Variants in ANKRD6 observed in about 807,000 individuals in gnomAD.
ANKRD6 encodes the protein ankyrin repeat domain 6, also known as ankyrin repeat domain-containing protein 6.
Under a neutral mutation model 82.3 loss-of-function variants are expected in ANKRD6, and 56 were observed. The observed-to-expected ratio is 0.68, with a 90% CI of 0.55 to 0.85. The LOEUF (loss-of-function observed/expected upper bound fraction) is 0.85. Among genes scored for constraint, ANKRD6 ranks in the 40% least tolerant of loss-of-function variants. The probability of loss-of-function intolerance (pLI) is 0.00; values close to 1 mark genes in which losing one functional copy is unlikely to be tolerated. For missense variants in ANKRD6, 852 were observed against 907.6 expected, an observed-to-expected ratio of 0.94 and a Z score of 0.79; for synonymous variants, 347 against 352.1, an observed-to-expected ratio of 0.99 and a Z score of 0.16.
At chr6:89,612,143 A>G (rs1015732920) in intron 5 of ANKRD6, 129 bp from the exon 6 acceptor site, 1 of 754,380 alleles carries the variant, frequency 1.3e-6, no homozygotes, top group Non-Finnish European at 2.1e-6. Context: ...CACTGAAACC[A>G]TCGGGCAAGA....
At chr6:89,582,176 G>A (rs1404270258) in intron 2 of ANKRD6, among the ~76,000 whole-genome samples, 1 of 152,174 alleles carries the variant, frequency 6.6e-6, no homozygotes. Context: ...CAACTGTTTT[G>A]AAGGAGAATT....
Position 89,613,821 on chromosome 6 carries a change from G to A in ANKRD6, c.546G>A (p.Ala182=), listed in dbSNP as rs375469086. The stretch of plus-strand genomic sequence containing the variant: ...GAGACACCTGTTTGCACGTTGCTGC[G>A]CGCTATAATCACTTGTCCATCATTA... The part of the protein sequence containing the change: ...NAGDTCLHVA[A]RYNHLSIIRL... The change falls in exon 7 of 16, where the codon GCG becomes GCA. Residue 182 remains alanine, a synonymous_variant. Coordinates refer to ENST00000339746, the MANE Select transcript of ANKRD6 (RefSeq NM_001242809.2). 2.7e-5 allele frequency: 43 copies of A among 1,614,004 alleles called. No homozygotes were observed. The highest frequency in any genetic ancestry group is 1.1e-4 in the African/African-American group (8 of 75,046).
At chr6:89,601,002 A>C (rs1401952930) in intron 3 of ANKRD6, among the ~76,000 whole-genome samples, 2 of 152,150 alleles carry the variant, frequency 1.3e-5, no homozygotes, top group Non-Finnish European at 1.5e-5. Context: ...GCACCACTGC[A>C]CTCCAGCCTG....
At chr6:89,509,398 T>G (rs950271271) in intron 1 of ANKRD6, 1 of 152,152 alleles carries the variant, frequency 6.6e-6, no homozygotes, top group Non-Finnish European at 1.5e-5. Flanking sequence ...GGGAGAGCCT[T>G]GGAAATCATC....
At chr6:89,590,964 G>A (rs745625798) in intron 2 of ANKRD6, among the ~76,000 whole-genome samples, 3 of 152,144 alleles carry the variant, frequency 2.0e-5, no homozygotes, top group Admixed American at 6.5e-5. Flanking sequence ...AATTCTGGCC[G>A]CTGCTGTCTC....
chr6:89,468,471 T>C (rs1445683250), intron 1 of ANKRD6, among the ~76,000 whole-genome samples: 1 of 152,130 alleles, frequency 6.6e-6, no homozygotes, highest in Non-Finnish European at 1.5e-5. Flanking sequence ...TTTTTTGTCT[T>C]AATTTTTCTA....
chr6:89,437,597 G>T (rs760790682), intron 1 of ANKRD6, among the ~76,000 whole-genome samples: 1 of 152,160 alleles, frequency 6.6e-6, no homozygotes, highest in African/African-American at 2.4e-5. Context: ...TTTGGGGGAG[G>T]CAAATTTAAT....
intron 1 of ANKRD6, among the ~76,000 whole-genome samples, chr6:89,552,626 T>C (rs927375261): frequency 4.5e-4 from 68 of 152,196 alleles, no homozygotes; most frequent in African/African-American, 1.6e-3. Context: ...TGACTTTACA[T>C]AGGCATACAT....
At chr6:89,516,662 A>C (rs1185179677) in intron 1 of ANKRD6, among the ~76,000 whole-genome samples, 1 of 152,150 alleles carries the variant, frequency 6.6e-6, no homozygotes, top group Non-Finnish European at 1.5e-5. Context: ...TTTTTAGTAG[A>C]GACGGGGTTT....
At chr6:89,459,182 G>T (rs1437411333) in intron 1 of ANKRD6, among the ~76,000 whole-genome samples, 1 of 152,078 alleles carries the variant, frequency 6.6e-6, no homozygotes. Context: ...GGGTTCAAAC[G>T]ATTCTCCTGC....
At chr6:89,465,220 A>T (rs947879663) in intron 1 of ANKRD6, among the ~76,000 whole-genome samples, 1 of 151,564 alleles carries the variant, frequency 6.6e-6, no homozygotes, top group Non-Finnish European at 1.5e-5. Flanking sequence ...CCTGGGTTCA[A>T]GTAATTCTCC....
In ANKRD6 at chr6:89,604,128, A is replaced by G. The variant is rs1163024103; in HGVS notation, c.318+1001A>G. 2.6e-5 allele frequency among the ~76,000 whole-genome samples: 4 copies of G among 152,238 alleles called. No individual in the cohort carries two copies. The East Asian group carries it at 5.8e-4, about 22-fold the overall frequency. On this transcript the variant is annotated intron_variant, in intron 4 of 15. Transcript: ENST00000339746. ...GATCACCTGAGGTCAGGAGTTCGAG[A>G]CCAGCCTGGCTAACATGGTGAAACC...
chr6:89,451,045 C>T (rs974478832), intron 1 of ANKRD6, among the ~76,000 whole-genome samples: 8 of 152,264 alleles, frequency 5.3e-5, no homozygotes, highest in Non-Finnish European at 8.8e-5. Context: ...CCATGGCTAA[C>T]GCCTGTAATC....
Position 89,566,852 on chromosome 6 carries a change from T to C in ANKRD6, c.-125T>C, listed in dbSNP as rs781203029. The C allele has an allele frequency of 1.6e-4, 211 of 1,348,338 alleles. No individual in the cohort carries two copies. Among genetic ancestry groups the C allele is most frequent in the Non-Finnish European group, 5.3e-5 (53 of 992,252 alleles). The allele number at this position is 1,348,338 out of a possible 1,614,324, so 83.5% of individuals were successfully genotyped here. ...CCCCTAGGTCCCGAAGATGGCATAT[T>C]CATAAAGACATCTTCTGATGATTGT... On this transcript the variant is annotated 5_prime_UTR_variant, in exon 2 of 16. Transcript: ENST00000339746.
intron 1 of ANKRD6, among the ~76,000 whole-genome samples, chr6:89,504,134 CG>C (rs979783270): frequency 1.3e-5 from 1 of 78,952 alleles, no homozygotes; most frequent in Non-Finnish European, 2.4e-5. Context: ...GTGTGGGGGG[CG>C]GGGGGTGGGG....
chr6:89,564,512 A>G (rs904472833), intron 1 of ANKRD6, among the ~76,000 whole-genome samples: 8 of 152,154 alleles, frequency 5.3e-5, no homozygotes, highest in African/African-American at 7.2e-5. Flanking sequence ...CAGTCTCAGT[A>G]TCCAGGAGGC....
intron 1 of ANKRD6, among the ~76,000 whole-genome samples, chr6:89,513,274 A>G (rs2127946944): frequency 6.6e-6 from 1 of 152,312 alleles, no homozygotes; most frequent in Admixed American, 6.5e-5. Context: ...AACCGTAAAA[A>G]TACAGATTGA....
At chr6:89,435,730 A>C (rs1219707291) in intron 1 of ANKRD6, among the ~76,000 whole-genome samples, 1 of 152,206 alleles carries the variant, frequency 6.6e-6, no homozygotes, top group Non-Finnish European at 1.5e-5. Flanking sequence ...GTCCCTAAGA[A>C]GTGGGAAAAC....
Position 89,619,063 on chromosome 6 carries a change from C to T in ANKRD6, c.792+1032C>T, listed in dbSNP as rs546316877. Among the ~76,000 whole-genome samples, 15 of 152,244 alleles carry T rather than the reference C, an allele frequency of 9.9e-5. No homozygotes were observed. The East Asian group carries it at 2.5e-3, about 25-fold the overall frequency. On this transcript the variant is annotated intron_variant, in intron 9 of 15. Transcript: ENST00000339746. ...CTTTATTTTGTTTAAGTTTTTAAAA[C>T]GTGCCTAATATAACTAGTAGTTTCT...
Sources: allele counts gnomAD v4.1 joint callset (sites outside exome capture counted in the v4.1 genomes callset), GRCh38; gene constraint gnomAD v4.1.1; transcripts MANE v1.5; gene names NCBI Gene and HGNC (gene_info 2026-07-23, HGNC 2026-07-21).